BFSP1: variants seen among roughly 807,000 people sequenced by gnomAD.
BFSP1 encodes the protein beaded filament structural protein 1, also known as filensin.
In BFSP1, 38 loss-of-function variants were observed where a neutral mutation model predicts 43.9. That is an observed-to-expected ratio of 0.87 (90% CI 0.67 to 1.14). BFSP1 has a LOEUF of 1.14. Ranked by LOEUF, BFSP1 falls within the 50% of genes most tolerant of loss-of-function variation. The pLI is 0.00. For synonymous variants in BFSP1, 352 were observed against 354.8 expected (o/e 0.99, Z 0.09); for missense variants, 850 against 875.1 (o/e 0.97, Z 0.36).
chr20:17,549,086 T>C (rs915224983), intron 1 of BFSP1, among the ~76,000 whole-genome samples: 1 of 152,196 alleles, frequency 6.6e-6, no homozygotes, highest in Admixed American at 6.5e-5. Flanking sequence ...GTTGGGATTA[T>C]AGGTGTGAGC....
chr20:17,550,462 CTTT>C (rs66786068), intron 1 of BFSP1, among the ~76,000 whole-genome samples: 4 of 131,914 alleles, frequency 3.0e-5, no homozygotes, highest in African/African-American at 8.9e-5. Context: ...GACTATAATC[CTTT>C]TTTTTTTTTT....
intron 2 of BFSP1, among the ~76,000 whole-genome samples, chr20:17,515,043 AG>A (rs2034169168): frequency 6.6e-6 from 1 of 152,174 alleles, no homozygotes; most frequent in African/African-American, 2.4e-5. Flanking sequence ...TTGCCCCCCA[AG>A]GGGACATTTG....
intron 1 of BFSP1, among the ~76,000 whole-genome samples, chr20:17,564,953 A>G (rs1367451799): frequency 6.8e-6 from 1 of 146,118 alleles, no homozygotes; most frequent in Non-Finnish European, 1.5e-5. Context: ...TTTTTTTGAG[A>G]TGGAGTCTCA....
At chr20:17,500,955 G>A (rs567125098) in intron 5 of BFSP1, among the ~76,000 whole-genome samples, 1 of 152,294 alleles carries the variant, frequency 6.6e-6, no homozygotes, top group Non-Finnish European at 1.5e-5. Context: ...AAGCCAGGGT[G>A]CACTGGAACC....
chr20:17,517,355 C>T, intron 2 of BFSP1: 3 of 960,592 alleles, frequency 3.1e-6, no homozygotes, highest in East Asian at 4.8e-5. Context: ...CAAAACAAAA[C>T]AAACAAACAA....
intron 1 of BFSP1, among the ~76,000 whole-genome samples, chr20:17,529,090 T>TGTGC (rs577672397): frequency 6.6e-6 from 1 of 151,496 alleles, no homozygotes; most frequent in African/African-American, 2.4e-5. Flanking sequence ...TGTGTGTGTG[T>TGTGC]GAGACAGAGT....
chr20:17,508,776 T>C, intron 5 of BFSP1, 113 bp downstream of exon 5: 4 of 1,030,832 alleles, frequency 3.9e-6, no homozygotes, highest in East Asian at 6.0e-5. Context: ...GCCAGGAACA[T>C]AGGATATGTT....
chr20:17,504,157 C>T lies in BFSP1; in HGVS notation c.735+4732G>A, dbSNP rs567995256. 3.9e-5 allele frequency among the ~76,000 whole-genome samples: 6 copies of T among 152,232 alleles called. No homozygotes were observed. The South Asian group carries it at 1.2e-3, about 32-fold the overall frequency. The stretch of plus-strand genomic sequence containing the variant: ...GCGGGAGGAGCTCCTGTCCTGGGCG[C>T]CCCCACAGCCCCCATCCCCCACATG... On this transcript the variant is annotated intron_variant, in intron 5 of 7. Transcript: ENST00000377873.
intron 5 of BFSP1, among the ~76,000 whole-genome samples, chr20:17,499,879 C>G (rs1362874542): frequency 6.6e-6 from 1 of 152,128 alleles, no homozygotes; most frequent in African/African-American, 2.4e-5. Context: ...CAAGACCACA[C>G]CATTGCACTC....
rs1255616195 is a variant in BFSP1, at chr20:17,494,648, C to A, written c.1424G>T (p.Gly475Val). ...YTKERHVLVT[G>V]DANYVDPRFY... ...TCTAGGGTCCACGTAATTGGCATCC[C>A]CTGTGACCAGCACGTGCCGCTCTTT... The change falls in exon 8 of 8, where the codon GGG (glycine) becomes GTG (valine). Residue 475 changes from glycine to valine, a missense_variant. By Grantham distance (109) the Gly-to-Val change is moderately radical (BLOSUM62 -3). Coordinates refer to ENST00000377873, the MANE Select transcript of BFSP1 (RefSeq NM_001195.5). 1.2e-6 allele frequency: 2 copies of A among 1,614,206 alleles called. No homozygotes were observed. The highest frequency in any genetic ancestry group is 4.5e-5 in the East Asian group (2 of 44,888).
At chr20:17,519,835 G>A (rs979416034) in intron 2 of BFSP1, among the ~76,000 whole-genome samples, 2 of 152,236 alleles carry the variant, frequency 1.3e-5, no homozygotes, top group Non-Finnish European at 1.5e-5. Flanking sequence ...GGGCCCACTG[G>A]AATGTACAGC....
chr20:17,567,664 C>G (rs2035135245), intron 1 of BFSP1, among the ~76,000 whole-genome samples: 2 of 152,064 alleles, frequency 1.3e-5, no homozygotes, highest in African/African-American at 2.4e-5. Context: ...GAGTTCAAGA[C>G]CAGCCTGACC....
Position 17,558,449 on chromosome 20 carries a change from T to C in BFSP1, c.2+239A>G, listed in dbSNP as rs1437279951. ...AGCTTTTGGAAGTGGAGCCACACTTTATTTACCGAATATGCACTTCTTGTT... is the reference window on the plus strand; with the variant it reads ...AGCTTTTGGAAGTGGAGCCACACTTCATTTACCGAATATGCACTTCTTGTT... On this transcript the variant is annotated intron_variant, in intron 1 of 7. Coordinates refer to the BFSP1 transcript ENST00000377868. Among the ~76,000 whole-genome samples the C allele has an allele frequency of 3.9e-5, 6 of 152,228 alleles. No individual in the cohort carries two copies. In the East Asian group the frequency reaches 1.2e-3, roughly 29 times the overall value.
At chr20:17,499,664 GT>G (rs1200223349) in intron 5 of BFSP1, among the ~76,000 whole-genome samples, 3 of 152,142 alleles carry the variant, frequency 2.0e-5, no homozygotes, top group Non-Finnish European at 2.9e-5. Context: ...GCTCACACTT[GT>G]AATCCCAGAA....
chr20:17,498,932 C>G lies in BFSP1; in HGVS notation c.844G>C (p.Glu282Gln). 1 of 1,614,224 alleles carries G rather than the reference C, an allele frequency of 6.2e-7. No homozygotes were observed. Among genetic ancestry groups the G allele is most frequent in the Non-Finnish European group, 8.5e-7 (1 of 1,180,044 alleles). The part of the protein sequence containing the change: ...ETLRKEIEET[E>Q]RVLEKSSYDC... ...TAAGAAGACTTCTCCAGGACCCGCT[C>G]TGTCTCCTCAATCTCCTTGCGCAGT... Residue 282 changes from glutamate (E) to glutamine (Q), a missense_variant, in exon 6 of 8, where the codon GAG becomes CAG. By Grantham distance (29) the Glu-to-Gln change is conservative (BLOSUM62 2). Coordinates refer to ENST00000377873, the MANE Select transcript of BFSP1 (RefSeq NM_001195.5).
At chr20:17,496,295 T>C (rs958880926) in intron 7 of BFSP1, among the ~76,000 whole-genome samples, 6 of 152,238 alleles carry the variant, frequency 3.9e-5, no homozygotes, top group Non-Finnish European at 8.8e-5. Flanking sequence ...AGGCCCTATA[T>C]GCATGAGCAT....
At chr20:17,561,686 G>A (rs2035068191), upstream of BFSP1, among the ~76,000 whole-genome samples, 2 of 152,156 alleles carry the variant, frequency 1.3e-5, no homozygotes, top group South Asian at 2.1e-4. Context: ...GTTGATGAGA[G>A]GTGTGATGCC....
chr20:17,567,031 A>C (rs1450832060), intron 1 of BFSP1, among the ~76,000 whole-genome samples: 1 of 152,128 alleles, frequency 6.6e-6, no homozygotes, highest in Non-Finnish European at 1.5e-5. Context: ...AAAGGCCCCA[A>C]CTTCAAATAC....
intron 2 of BFSP1, among the ~76,000 whole-genome samples, chr20:17,522,750 AT>A (rs2034343482): frequency 6.6e-6 from 1 of 152,212 alleles, no homozygotes; most frequent in Admixed American, 6.5e-5. Context: ...AGTCATATAC[AT>A]TATTACATCA....
Sources: allele counts gnomAD v4.1 joint callset (sites outside exome capture counted in the v4.1 genomes callset), GRCh38; gene constraint gnomAD v4.1.1; transcripts MANE v1.5; gene names NCBI Gene and HGNC (gene_info 2026-07-23, HGNC 2026-07-21).